PPP2R5E: variants seen among roughly 807,000 people sequenced by gnomAD.
PPP2R5E encodes the protein protein phosphatase 2 regulatory subunit B'epsilon, also known as serine/threonine-protein phosphatase 2A 56 kDa regulatory subunit epsilon isoform.
In PPP2R5E, 4 loss-of-function variants were observed where a neutral mutation model predicts 65.3. The observed-to-expected ratio is 0.06, with a 90% CI of 0.03 to 0.14. The LOEUF is 0.14. Among genes scored for constraint, PPP2R5E ranks in the 10% least tolerant of loss-of-function variants. The pLI is 1.00. For missense variants in PPP2R5E, 274 were observed against 556.1 expected (o/e 0.49, Z 5.10); for synonymous variants, 183 against 187.4 (o/e 0.98, Z 0.19).
intron 3 of PPP2R5E, chr14:63,453,368 A>G (rs1295433233): frequency 5.6e-6 from 1 of 179,322 alleles, no homozygotes; most frequent in Non-Finnish European, 1.2e-5. Flanking sequence ...TTTTTCAAAC[A>G]CGGATCTAAG....
chr14:63,460,372 G>C (rs532275718), intron 2 of PPP2R5E, among the ~76,000 whole-genome samples: 1 of 152,130 alleles, frequency 6.6e-6, no homozygotes, highest in African/African-American at 2.4e-5. Flanking sequence ...GTCTTGCTGC[G>C]GAGGAGGGAA....
intron 3 of PPP2R5E, among the ~76,000 whole-genome samples, chr14:63,431,762 C>T (rs572398461): frequency 1.1e-4 from 17 of 151,964 alleles, no homozygotes; most frequent in African/African-American, 3.9e-4. Context: ...TCTAGAAATC[C>T]GGAAGAGGAT....
At chr14:63,466,903 G>A (rs1889840696) in intron 2 of PPP2R5E, among the ~76,000 whole-genome samples, 1 of 152,126 alleles carries the variant, frequency 6.6e-6, no homozygotes, top group Admixed American at 6.5e-5. Context: ...TGTCTGGGAA[G>A]CTTAACACTT....
chr14:63,384,436 A>G lies in PPP2R5E; in HGVS notation c.1202+8T>C. On this transcript the variant is annotated splice_region_variant and intron_variant, in intron 12 of 13. Coordinates refer to ENST00000337537, the MANE Select transcript of PPP2R5E (RefSeq NM_006246.5). The stretch of plus-strand genomic sequence containing the variant: ...GAAGAGAACGGAGGAAAGAAACTGA[A>G]AACCTACGGATTCCAATGTTCTTTT... 1 of 1,611,322 alleles carries G rather than the reference A, an allele frequency of 6.2e-7. No homozygotes were observed. The highest frequency in any genetic ancestry group is 8.5e-7 in the Non-Finnish European group (1 of 1,178,690).
intron 2 of PPP2R5E, among the ~76,000 whole-genome samples, chr14:63,460,932 C>T (rs1229521169): frequency 6.6e-6 from 1 of 152,182 alleles, no homozygotes; most frequent in African/African-American, 2.4e-5. Flanking sequence ...GTGATAAATG[C>T]ACACAGTGAT....
intron 2 of PPP2R5E, among the ~76,000 whole-genome samples, chr14:63,523,246 G>A (rs2139734939): frequency 6.6e-6 from 1 of 152,190 alleles, no homozygotes; most frequent in Non-Finnish European, 1.5e-5. Context: ...TGATGACAAT[G>A]GCGGTTTTGT....
chr14:63,479,839 A>T (rs978183525), intron 2 of PPP2R5E, among the ~76,000 whole-genome samples: 1 of 152,234 alleles, frequency 6.6e-6, no homozygotes, highest in Non-Finnish European at 1.5e-5. Context: ...ATACATCAAG[A>T]TGGTCAAATA....
At chr14:63,405,937 T>A (rs1886053810) in intron 5 of PPP2R5E, among the ~76,000 whole-genome samples, 1 of 152,232 alleles carries the variant, frequency 6.6e-6, no homozygotes, top group Admixed American at 6.5e-5. Context: ...CTATCTTTGA[T>A]AAATCTCTAA....
intron 2 of PPP2R5E, among the ~76,000 whole-genome samples, chr14:63,504,928 G>A (rs763711948): frequency 8.5e-5 from 13 of 152,200 alleles, no homozygotes; most frequent in Non-Finnish European, 1.6e-4. Flanking sequence ...TGTCTTGCAT[G>A]ACTTAGGTTA....
In PPP2R5E at chr14:63,372,551, TAAAAGGAA is replaced by T. The variant is rs775341920; in HGVS notation, c.*3450_*3457del. ...CCTGGGCCAGGTCAGTGCATCCAATTAAAAGGAAAAAAGGAAAACAAGGAAAAAAAACC... is the reference window on the plus strand; with the variant it reads ...CCTGGGCCAGGTCAGTGCATCCAATTAAAAGGAAAACAAGGAAAAAAAACC... On this transcript the variant is annotated 3_prime_UTR_variant, in exon 14 of 14. Transcript: ENST00000337537. 2 of 150,172 alleles carry T rather than the reference TAAAAGGAA, an allele frequency of 1.3e-5. No individual in the cohort carries two copies. The highest frequency in any genetic ancestry group is 2.1e-4 in the South Asian group (1 of 4,728). The allele number at this position is 150,172 out of a possible 1,614,324, so 9.3% of individuals were successfully genotyped here.
chr14:63,522,858 TG>T (rs869247634), intron 2 of PPP2R5E, among the ~76,000 whole-genome samples: 167 of 125,064 alleles, frequency 1.3e-3, no homozygotes, highest in African/African-American at 3.3e-3. Context: ...AGGAGGGAGG[TG>T]GGGGGGGTCA....
chr14:63,396,969 T>C (rs1277262053), intron 5 of PPP2R5E, among the ~76,000 whole-genome samples: 3 of 152,196 alleles, frequency 2.0e-5, no homozygotes, highest in African/African-American at 2.4e-5. Flanking sequence ...AATACACATA[T>C]GGCACTTACT....
intron 2 of PPP2R5E, among the ~76,000 whole-genome samples, chr14:63,522,757 C>G (rs1046586107): frequency 1.1e-4 from 16 of 151,600 alleles, no homozygotes; most frequent in Admixed American, 3.9e-4. Flanking sequence ...GAAGCCGCCC[C>G]GTCTGAGAAG....
chr14:63,404,868 AGCTATTGT>A (rs1885976581), intron 5 of PPP2R5E, among the ~76,000 whole-genome samples: 1 of 152,220 alleles, frequency 6.6e-6, no homozygotes, highest in African/African-American at 2.4e-5. Flanking sequence ...TTCAAGAAAG[AGCTATTGT>A]GCTAAATAAT....
At chr14:63,448,191 G>C (rs1888605901) in intron 3 of PPP2R5E, among the ~76,000 whole-genome samples, 1 of 152,026 alleles carries the variant, frequency 6.6e-6, no homozygotes, top group Non-Finnish European at 1.5e-5. Context: ...CAGCTACTCA[G>C]GAGGCTGAGG....
intron 4 of PPP2R5E, among the ~76,000 whole-genome samples, chr14:63,420,779 G>A (rs935864434): frequency 1.6e-4 from 16 of 101,028 alleles, no homozygotes; most frequent in East Asian, 3.3e-4. Flanking sequence ...GAGGCCGGGC[G>A]CGGTGGCTCA....
At chr14:63,473,569 C>T (rs1431313778) in intron 2 of PPP2R5E, among the ~76,000 whole-genome samples, 1 of 152,078 alleles carries the variant, frequency 6.6e-6, no homozygotes, top group Admixed American at 6.5e-5. Flanking sequence ...TAAAACCTTC[C>T]GTAATTTTAA....
intron 2 of PPP2R5E, among the ~76,000 whole-genome samples, chr14:63,487,486 G>C (rs1230461242): frequency 6.6e-6 from 1 of 152,160 alleles, no homozygotes; most frequent in Admixed American, 6.6e-5. Context: ...TTAAAAAGAA[G>C]GGAAGTGAAA....
intron 5 of PPP2R5E, among the ~76,000 whole-genome samples, chr14:63,399,267 C>A (rs111707083): frequency 6.7e-6 from 1 of 148,404 alleles, no homozygotes; most frequent in Non-Finnish European, 1.5e-5. Context: ...GAAGGCCATA[C>A]AATGTATGAC....
Sources: allele counts gnomAD v4.1 joint callset (sites outside exome capture counted in the v4.1 genomes callset), GRCh38; gene constraint gnomAD v4.1.1; transcripts MANE v1.5; gene names NCBI Gene and HGNC (gene_info 2026-07-23, HGNC 2026-07-21).